The following DONSON variants were observed in gnomAD, a reference collection of about 807,000 sequenced individuals.
DONSON encodes DNA replication fork stabilization factor DONSON.
DONSON carries 43 observed loss-of-function variants against 62.1 expected under a neutral mutation model. The observed-to-expected ratio is 0.69, with a 90% CI of 0.54 to 0.89. The LOEUF (loss-of-function observed/expected upper bound fraction) is 0.89, where lower values mean the gene tolerates loss of function less well. Among genes scored for constraint, DONSON ranks in the 40% least tolerant of loss-of-function variants. The pLI, the probability that DONSON is intolerant of heterozygous loss-of-function variation, is 0.00. For synonymous variants in DONSON, 266 were observed against 264.6 expected, an observed-to-expected ratio of 1.01 and a Z score of -0.05; for missense variants, 696 against 697.5, an observed-to-expected ratio of 1.00 and a Z score of 0.03.
chr21:33,588,229 C>G (rs2086603656), intron 1 of DONSON, 92 bp downstream of exon 1: 1 of 1,059,490 alleles, frequency 9.4e-7, no homozygotes, highest in East Asian at 3.4e-5. Flanking sequence ...ATTTCCTTGC[C>G]TCGAACGCGA....
intron 8 of DONSON, among the ~76,000 whole-genome samples, chr21:33,579,883 T>C (rs904643845): frequency 6.6e-6 from 1 of 152,256 alleles, no homozygotes; most frequent in Non-Finnish European, 1.5e-5. Flanking sequence ...CATTCAATTT[T>C]ATTGCTAAGA....
rs189377728 is a variant in DONSON, at chr21:33,582,594, G to A, written c.965-348C>T. Among the ~76,000 whole-genome samples, 5 of 152,248 alleles carry A rather than the reference G, an allele frequency of 3.3e-5. No homozygotes were observed. The South Asian group carries it at 1.0e-3, about 32-fold the overall frequency. On this transcript the variant is annotated intron_variant, in intron 5 of 9. Transcript: ENST00000303071. ...TATTAAAGGGGTAATTGGTACTATA[G>A]AAGAATTTCTAGAAGAGTATATTCA...
intron 8 of DONSON, among the ~76,000 whole-genome samples, chr21:33,580,399 C>CAA (rs200195881): frequency 4.3e-5 from 3 of 70,410 alleles, no homozygotes; most frequent in East Asian, 4.1e-4. Context: ...ACAAAAAATA[C>CAA]AAAAAAAAAA....
intron 5 of DONSON, 24 bp downstream of exon 5, chr21:33,583,464 C>T (rs775533543): frequency 1.9e-6 from 3 of 1,607,428 alleles, no homozygotes; most frequent in Middle Eastern, 1.7e-4. Context: ...GTATAGTATT[C>T]TCACTTTAAA....
At chr21:33,588,282 G>C (rs1000164987) in intron 1 of DONSON, 39 bp downstream of exon 1, 1 of 1,234,580 alleles carries the variant, frequency 8.1e-7, no homozygotes, top group Non-Finnish European at 1.0e-6. Context: ...ACCCACGAAA[G>C]ACAAGAGCCC....
chr21:33,581,852 T>C, intron 7 of DONSON, 99 bp downstream of exon 7: 1 of 1,067,282 alleles, frequency 9.4e-7, no homozygotes, highest in South Asian at 1.5e-5. Context: ...GACCTGAAGA[T>C]AATTTAAGAT....
chr21:33,588,136 T>C (rs1322913878), intron 1 of DONSON, among the ~76,000 whole-genome samples, 185 bp downstream of exon 1: 4 of 152,120 alleles, frequency 2.6e-5, no homozygotes, highest in African/African-American at 9.7e-5. Context: ...GGGAGCGCTC[T>C]TCCCACAAAC....
rs199655790 is a variant in DONSON, at chr21:33,585,971, G to C, written c.606+7C>G. 6.2e-7 allele frequency: 1 copy of C among 1,613,552 alleles called. No homozygotes were observed. Among genetic ancestry groups the C allele is most frequent in the African/African-American group, 1.3e-5 (1 of 75,018 alleles). On this transcript the variant is annotated splice_region_variant and intron_variant, in intron 3 of 9. Coordinates refer to ENST00000303071, the MANE Select transcript of DONSON (RefSeq NM_017613.4). ...TTTAACACATAACTATTTTATTTCAGAGTTACCTGTATACTTTTAGGCAAA... is the reference window on the plus strand; with the variant it reads ...TTTAACACATAACTATTTTATTTCACAGTTACCTGTATACTTTTAGGCAAA...
At chr21:33,580,322 G>A (rs1265855729) in intron 8 of DONSON, among the ~76,000 whole-genome samples, 3 of 149,576 alleles carry the variant, frequency 2.0e-5, no homozygotes, top group African/African-American at 7.4e-5. Context: ...ACTTTGGGAG[G>A]CCGAGGGCAG....
chr21:33,586,499 A>G (rs2086579080), intron 2 of DONSON, among the ~76,000 whole-genome samples: 1 of 152,180 alleles, frequency 6.6e-6, no homozygotes, highest in Non-Finnish European at 1.5e-5. Context: ...CAAGTGTTAA[A>G]ACATTTTGGA....
Position 33,582,034 on chromosome 21 carries a change from C to T in DONSON, c.1068G>A (p.Glu356=). 1 of 1,614,112 alleles carries T rather than the reference C, an allele frequency of 6.2e-7. No homozygotes were observed. The highest frequency in any genetic ancestry group is 8.5e-7 in the Non-Finnish European group (1 of 1,180,004). Residue 356 remains glutamate, a synonymous_variant, in exon 7 of 10, where the codon GAG becomes GAA. Transcript: ENST00000303071. ...GYGEEQAISD[E]DEEESFSWLE... ...GCCAGGAAAAACTTTCCTCTTCATCCTCATCACTGATGGCTTGCTCCCTAG... is the reference window on the plus strand; with the variant it reads ...GCCAGGAAAAACTTTCCTCTTCATCTTCATCACTGATGGCTTGCTCCCTAG...
chr21:33,586,063 G>A lies in DONSON; in HGVS notation c.521C>T (p.Ala174Val), dbSNP rs1170610120. Reference protein sequence around the residue: ...LFTSSQPFTWADHLKAQEEAQ... With the variant: ...LFTSSQPFTWVDHLKAQEEAQ... Reference sequence around the variant, plus strand: ...TTCTTCCTGTGCTTTCAAATGATCTGCCCAGGTAAAGGGTTGAGAAGAGGT... The same window carrying A: ...TTCTTCCTGTGCTTTCAAATGATCTACCCAGGTAAAGGGTTGAGAAGAGGT... The change falls in exon 3 of 10, where the codon GCA becomes GTA. Residue 174 changes from alanine (A) to valine (V), a missense_variant. Coordinates refer to ENST00000303071, the MANE Select transcript of DONSON (RefSeq NM_017613.4). 1.2e-6 allele frequency: 2 copies of A among 1,614,162 alleles called. No individual in the cohort carries two copies. The highest frequency in any genetic ancestry group is 2.2e-5 in the South Asian group (2 of 91,080).
chr21:33,583,004 G>A (rs542483200), intron 5 of DONSON, among the ~76,000 whole-genome samples: 14 of 151,728 alleles, frequency 9.2e-5, no homozygotes, highest in Non-Finnish European at 1.6e-4. Context: ...GATCGAGATC[G>A]TCCTGGCTAA....
At position 33,588,506 on chromosome 21, in the gene DONSON, G is replaced by A. The variant is rs1376030090; in HGVS notation, c.136C>T (p.Arg46Ter). The A allele has an allele frequency of 2.4e-6, 3 of 1,253,512 alleles. No individual in the cohort carries two copies. The Admixed American group carries it at 1.3e-4, about 53-fold the overall frequency. The allele number at this position is 1,253,512 out of a possible 1,614,324, so 77.6% of individuals were successfully genotyped here. A position where few individuals can be genotyped will look rare whatever the true frequency, so the allele number is the denominator to read the frequency against. The part of the protein sequence containing the change: ...PRELTEPAAR[R>*]AALVAGLPLR... ...GGCAGCCCCGCCACCAGGGCGGCTC[G>A]GCGGGCCGCCGGCTCCGTCAGCTCA... Residue 46 changes from arginine to a stop codon, truncating the protein, a stop_gained, in exon 1 of 10, where the codon CGA (arginine) becomes TGA (stop). Transcript: ENST00000303071. LOFTEE classifies it high-confidence loss of function.
chr21:33,583,852 T>C (rs2086545632), intron 4 of DONSON, among the ~76,000 whole-genome samples, 186 bp from the exon 5 acceptor site: 1 of 151,964 alleles, frequency 6.6e-6, no homozygotes. Flanking sequence ...GACTCGCTGA[T>C]GACTTCTCAA....
chr21:33,578,563 A>C (rs1569073898), intron 9 of DONSON, 119 bp from the exon 10 acceptor site: 2 of 1,109,464 alleles, frequency 1.8e-6, no homozygotes, highest in Non-Finnish European at 1.2e-6. Context: ...CATCCTATTA[A>C]TAGAAGTTGA....
At position 33,581,290 on chromosome 21, in the gene DONSON, G is replaced by C; in HGVS notation, c.1350+12C>G. On this transcript the variant is annotated intron_variant, in intron 8 of 9. Coordinates refer to ENST00000303071, the MANE Select transcript of DONSON (RefSeq NM_017613.4). ...TACTTCTTAAAAGCTAGGTTATGCA[G>C]ACTTTTATTACCTTAAGCATTTGCA... 1 of 1,611,706 alleles carries C rather than the reference G, an allele frequency of 6.2e-7. No homozygotes were observed. Among genetic ancestry groups the C allele is most frequent in the South Asian group, 1.1e-5 (1 of 90,866 alleles).
In DONSON at chr21:33,587,542, T is replaced by G; in HGVS notation, c.382A>C (p.Thr128Pro). ...LWEEKFPERTTVTELPQTSHV... is the reference protein window; with the variant it reads ...LWEEKFPERTPVTELPQTSHV... ...ATTACCTGAGGTAATTCAGTAACAG[T>G]TGTTCTTTCAGGAAACTTCTCTTCC... The change falls in exon 2 of 10, where the codon ACT (threonine) becomes CCT (proline). Residue 128 changes from threonine to proline, a missense_variant. Transcript: ENST00000303071. 4.4e-6 allele frequency: 7 copies of G among 1,599,298 alleles called. No individual in the cohort carries two copies. The highest frequency in any genetic ancestry group is 6.0e-6 in the Non-Finnish European group (7 of 1,175,502).
rs1002453914 is a variant in DONSON at position 33,579,390 on chromosome 21, A to T, written c.1523T>A (p.Val508Glu). 16 of 1,611,632 alleles carry T rather than the reference A, an allele frequency of 9.9e-6. No individual in the cohort carries two copies. The highest frequency in any genetic ancestry group is 1.4e-5 in the Non-Finnish European group (16 of 1,178,210). ...GTCCATTTGCAGGCAGATGTTAAAT[A>T]CAGCAGTTGGCTCGTGTGGATACAG... is the stretch of plus-strand genomic sequence containing the variant. Reference protein sequence around the residue: ...AVLYPHEPTAVFNICLQMDKV... With the variant: ...AVLYPHEPTAEFNICLQMDKV... The change falls in exon 9 of 10, where the codon GTA becomes GAA. Residue 508 changes from valine (V) to glutamate (E), a missense_variant. Transcript: ENST00000303071.
Sources: allele counts gnomAD v4.1 joint callset (sites outside exome capture counted in the v4.1 genomes callset), GRCh38; gene constraint gnomAD v4.1.1; transcripts MANE v1.5; gene names NCBI Gene and HGNC (gene_info 2026-07-23, HGNC 2026-07-21).